Variants in DIS3L2 observed in about 807,000 individuals in gnomAD.
DIS3L2 encodes DIS3 like 3'-5' exoribonuclease 2, also known as DIS3-like exonuclease 2.
DIS3L2 carries 34 observed loss-of-function variants against 97.5 expected under a neutral mutation model. That is an observed-to-expected ratio of 0.35 (90% CI 0.27 to 0.46). DIS3L2 has a LOEUF of 0.46. Among genes scored for constraint, DIS3L2 ranks in the 20% least tolerant of loss-of-function variants. DIS3L2 has a pLI of 1.00. For synonymous variants in DIS3L2, 435 were observed against 445.2 expected, an observed-to-expected ratio of 0.98 and a Z score of 0.29; for missense variants, 1,038 against 1,146.0, an observed-to-expected ratio of 0.91 and a Z score of 1.36.
At chr2:232,044,831 T>C (rs1695195266) in intron 5 of DIS3L2, among the ~76,000 whole-genome samples, 1 of 152,104 alleles carries the variant, frequency 6.6e-6, no homozygotes, top group Non-Finnish European at 1.5e-5. Context: ...CAGGGAATGA[T>C]GTGCCAGAAA....
intron 8 of DIS3L2, among the ~76,000 whole-genome samples, chr2:232,158,850 A>G (rs774653878): frequency 4.6e-5 from 7 of 152,184 alleles, no homozygotes; most frequent in Admixed American, 1.3e-4. Context: ...AATACAAAAT[A>G]ATTTTTAAAA....
chr2:232,069,900 T>A (rs537888919), intron 5 of DIS3L2, among the ~76,000 whole-genome samples: 14 of 152,286 alleles, frequency 9.2e-5, no homozygotes, highest in African/African-American at 3.4e-4. Flanking sequence ...ATTTGATCAG[T>A]TTGTCTCAAT....
chr2:232,090,781 T>G (rs772965348), intron 6 of DIS3L2, among the ~76,000 whole-genome samples: 79 of 152,244 alleles, frequency 5.2e-4, no homozygotes, highest in Non-Finnish European at 2.4e-4. Context: ...TGCTTTAGTA[T>G]TATGTTTCTT....
At chr2:232,181,838 G>A (rs1292967043) in intron 9 of DIS3L2, among the ~76,000 whole-genome samples, 1 of 152,028 alleles carries the variant, frequency 6.6e-6, no homozygotes, top group Admixed American at 6.5e-5. Context: ...TTTTAGTAAT[G>A]ATGGGGTTTC....
chr2:232,239,173 C>A (rs936997090), intron 11 of DIS3L2, among the ~76,000 whole-genome samples: 1 of 152,192 alleles, frequency 6.6e-6, no homozygotes, highest in Non-Finnish European at 1.5e-5. Context: ...ATCCTGACTG[C>A]ACCACTCTTG....
downstream of DIS3L2, chr2:232,339,620 C>A: frequency 2.3e-6 from 1 of 428,266 alleles, no homozygotes; most frequent in Non-Finnish European, 4.8e-6. Flanking sequence ...CTCTCCAGGC[C>A]ACTGCAGGGT....
intron 4 of DIS3L2, among the ~76,000 whole-genome samples, chr2:232,026,134 G>A (rs1694650009): frequency 6.6e-6 from 1 of 152,084 alleles, no homozygotes; most frequent in African/African-American, 2.4e-5. Context: ...AATCCCTATT[G>A]GGTTGGCTCC....
chr2:232,012,082 C>T (rs896926577), intron 1 of DIS3L2, among the ~76,000 whole-genome samples: 2 of 152,214 alleles, frequency 1.3e-5, no homozygotes. Flanking sequence ...ATTTTGTTTT[C>T]TCAGTCCTGC....
chr2:232,176,402 ATAGCCAAC>A (rs1691153359), intron 9 of DIS3L2, among the ~76,000 whole-genome samples: 1 of 151,802 alleles, frequency 6.6e-6, no homozygotes, highest in Non-Finnish European at 1.5e-5. Context: ...ATCTTTTCAC[ATAGCCAAC>A]TTTTATTTTC....
rs566276407 is a variant in DIS3L2 at position 232,317,106 on chromosome 2, G to C, written c.1740-12707G>C. ...CCCTTGGCTTCATGACCCATGGACA[G>C]TCCTTGCAATGGAAGGGAAACACAT... On this transcript the variant is annotated intron_variant, in intron 14 of 20. Transcript: ENST00000325385. 1.4e-4 allele frequency among the ~76,000 whole-genome samples: 22 copies of C among 152,360 alleles called. No individual in the cohort carries two copies. The South Asian group carries it at 3.9e-3, about 27-fold the overall frequency.
At chr2:232,218,015 AC>A (rs1692389445) in intron 10 of DIS3L2, among the ~76,000 whole-genome samples, 1 of 151,478 alleles carries the variant, frequency 6.6e-6, no homozygotes, top group Non-Finnish European at 1.5e-5. Context: ...ATAGGGCAGG[AC>A]CCCTTTTAAA....
rs766516846 is a variant in DIS3L2, at chr2:232,015,602, G to T, written c.141G>T (p.Lys47Asn). The T allele has an allele frequency of 3.1e-6, 5 of 1,613,988 alleles. No individual in the cohort carries two copies. The highest frequency in any genetic ancestry group is 4.2e-6 in the Non-Finnish European group (5 of 1,179,984). Residue 47 changes from lysine (K) to asparagine (N), a missense_variant, in exon 3 of 21, where the codon AAG (lysine) becomes AAT (asparagine). Around this residue, in one of 3 missense-constraint regions of DIS3L2, gnomAD observed 813 missense variants for 880.1 expected, o/e 0.92. Coordinates refer to ENST00000325385, the MANE Select transcript of DIS3L2 (RefSeq NM_152383.5). ...SKNRSTRGKK[K>N]SIFETYMSKE... ...ACAGGTCCACACGAGGGAAGAAAAAGAGCATATTTGAAACTTACATGTCCA... is the reference window on the plus strand; with the variant it reads ...ACAGGTCCACACGAGGGAAGAAAAATAGCATATTTGAAACTTACATGTCCA...
intron 6 of DIS3L2, among the ~76,000 whole-genome samples, chr2:232,091,021 C>T (rs12478546): frequency 0.098 from 14,986 of 152,178 alleles, 824 homozygotes; most frequent in African/African-American, 0.15. Flanking sequence ...TTATCCCCAG[C>T]CCCTGAGAGA....
intron 8 of DIS3L2, among the ~76,000 whole-genome samples, chr2:232,149,167 C>T (rs970534217): frequency 6.8e-6 from 1 of 148,124 alleles, no homozygotes; most frequent in Non-Finnish European, 1.5e-5. Context: ...AGAATGTAAG[C>T]AAATCTTTCA....
chr2:232,098,344 C>T lies in DIS3L2; in HGVS notation c.601+10623C>T, dbSNP rs1486644925. 2.7e-5 allele frequency among the ~76,000 whole-genome samples: 4 copies of T among 146,712 alleles called. No individual in the cohort carries two copies. In the East Asian group the frequency reaches 5.8e-4, roughly 21 times the overall value. On this transcript the variant is annotated intron_variant, in intron 6 of 20. Coordinates refer to ENST00000325385, the MANE Select transcript of DIS3L2 (RefSeq NM_152383.5). ...CATCTCTGCCAACAGTTAGGATTAT[C>T]GAGGTTTCTAATTTTTTTTTTTTTT...
chr2:232,102,661 G>A (rs1013886729), intron 6 of DIS3L2, among the ~76,000 whole-genome samples: 3 of 152,180 alleles, frequency 2.0e-5, no homozygotes, highest in Non-Finnish European at 4.4e-5. Context: ...GAATCAATAG[G>A]TGTTCATAAT....
At chr2:232,323,818 C>T (rs566127172) in intron 14 of DIS3L2, among the ~76,000 whole-genome samples, 1 of 152,168 alleles carries the variant, frequency 6.6e-6, no homozygotes, top group Non-Finnish European at 1.5e-5. Flanking sequence ...GGGTGGGGGT[C>T]CATCAGTCAA....
intron 14 of DIS3L2, among the ~76,000 whole-genome samples, chr2:232,313,884 C>A (rs1203286900): frequency 6.6e-6 from 1 of 152,198 alleles, no homozygotes; most frequent in Admixed American, 6.5e-5. Flanking sequence ...AGAGAAACTC[C>A]CATTTTTAAA....
chr2:232,032,575 C>G (rs567915055), intron 5 of DIS3L2, among the ~76,000 whole-genome samples: 1 of 152,126 alleles, frequency 6.6e-6, no homozygotes, highest in South Asian at 2.1e-4. Context: ...CAGTCTTTGC[C>G]CATGCTTATG....
Sources: allele counts gnomAD v4.1 joint callset (sites outside exome capture counted in the v4.1 genomes callset), GRCh38; gene constraint gnomAD v4.1.1; regional missense constraint gnomAD v4.1.1; transcripts MANE v1.5; gene names NCBI Gene and HGNC (gene_info 2026-07-23, HGNC 2026-07-21).